The following PLA1A variants were observed in gnomAD, a reference collection of about 807,000 sequenced individuals.
The protein encoded by PLA1A is phosphatidylserine-specific phospholipase A1alpha.
A neutral mutation model predicts 49.4 loss-of-function variants in PLA1A; 47 were observed. That is an observed-to-expected ratio of 0.95 (90% confidence interval 0.75 to 1.21). The LOEUF (loss-of-function observed/expected upper bound fraction) is 1.21, where lower values mean the gene tolerates loss of function less well. PLA1A is among the 50% of genes most tolerant of loss of function. The probability of loss-of-function intolerance (pLI) is 0.00; values close to 1 mark genes in which losing one functional copy is unlikely to be tolerated. For missense variants in PLA1A, 561 were observed against 563.9 expected (o/e 0.99, Z 0.05); for synonymous variants, 224 against 207.9 (o/e 1.08, Z -0.67).
intron 1 of PLA1A, among the ~76,000 whole-genome samples, chr3:119,601,174 A>G (rs1560075402): frequency 6.6e-6 from 1 of 152,172 alleles, no homozygotes; most frequent in African/African-American, 2.4e-5. Flanking sequence ...CAGAATCAAA[A>G]CTGTTTTAGC....
chr3:119,620,129 G>A (rs544702704), intron 8 of PLA1A: 1 of 456,916 alleles, frequency 2.2e-6, no homozygotes, highest in African/African-American at 2.0e-5. Context: ...CTTGAAGCTA[G>A]GATGCTGGTG....
intron 8 of PLA1A, among the ~76,000 whole-genome samples, chr3:119,624,491 T>C (rs968361364): frequency 5.9e-5 from 9 of 152,136 alleles, no homozygotes; most frequent in Admixed American, 5.9e-4. Flanking sequence ...CATCCCACCA[T>C]GAATATGTCA....
rs749934275 is a variant in PLA1A, at chr3:119,597,954, G to C, written c.41G>C (p.Gly14Ala). ...GPWESCFWVG[G>A]LILWLSVGSS... ...TGGGAGAGCTGCTTCTGGGTGGGGG[G>C]CCTCATTTTGTGGCTCAGCGTTGGA... The change falls in exon 1 of 11, where the codon GGC becomes GCC. Residue 14 changes from glycine to alanine, a missense_variant. By Grantham distance (60) the Gly-to-Ala change is moderately conservative. Transcript: ENST00000273371. 2 of 1,610,378 alleles carry C rather than the reference G, an allele frequency of 1.2e-6. No homozygotes were observed. Among genetic ancestry groups the C allele is most frequent in the Non-Finnish European group, 8.5e-7 (1 of 1,178,338 alleles).
intron 4 of PLA1A, among the ~76,000 whole-genome samples, chr3:119,610,389 A>G (rs1337267683): frequency 6.6e-6 from 1 of 152,156 alleles, no homozygotes; most frequent in African/African-American, 2.4e-5. Flanking sequence ...TAGTTCTTTG[A>G]GGAATCTTCA....
chr3:119,621,557 T>C (rs928393719), intron 8 of PLA1A, among the ~76,000 whole-genome samples: 2 of 152,386 alleles, frequency 1.3e-5, no homozygotes, highest in Admixed American at 1.3e-4. Flanking sequence ...GTGCCAGGCA[T>C]GCGCCAGCAT....
intron 1 of PLA1A, chr3:119,600,551 A>G: frequency 1.6e-6 from 1 of 615,566 alleles, no homozygotes; most frequent in East Asian, 2.7e-5. Flanking sequence ...CGTCTTCTTC[A>G]TCCTTGAATC....
chr3:119,618,104 T>C lies in PLA1A; in HGVS notation c.840T>C (p.Phe280=), dbSNP rs2082877616. ...ALENSCPLMA[F]PCASYKAFLA... ...AGAATTCCTGTCCACTGATGGCCTT[T>C]CCCTGTGCCAGCTACAAGGCCTTCC... Residue 280 remains phenylalanine (F), a synonymous_variant, in exon 7 of 11, where the codon TTT becomes TTC. Coordinates refer to ENST00000273371, the MANE Select transcript of PLA1A (RefSeq NM_015900.4). 6.2e-7 allele frequency: 1 copy of C among 1,614,004 alleles called. No individual in the cohort carries two copies. The highest frequency in any genetic ancestry group is 1.3e-5 in the African/African-American group (1 of 75,046).
At chr3:119,606,657 A>G in intron 1 of PLA1A, 117 bp from the exon 2 acceptor site, 1 of 676,532 alleles carries the variant, frequency 1.5e-6, no homozygotes, top group Non-Finnish European at 2.5e-6. Context: ...CTGATGTATA[A>G]TAAACCCCAT....
chr3:119,629,076 T>C (rs1205231059), intron 10 of PLA1A, among the ~76,000 whole-genome samples: 4 of 152,232 alleles, frequency 2.6e-5, no homozygotes, highest in Non-Finnish European at 5.9e-5. Flanking sequence ...ATATTTGGTT[T>C]CTATGTAAGA....
At chr3:119,617,595 T>C (rs566558164) in intron 6 of PLA1A, among the ~76,000 whole-genome samples, 1 of 151,568 alleles carries the variant, frequency 6.6e-6, no homozygotes, top group East Asian at 1.9e-4. Context: ...ATACAAAAAT[T>C]TGTGAGGCAT....
intron 7 of PLA1A, 149 bp downstream of exon 7, chr3:119,618,335 C>T: frequency 1.4e-6 from 1 of 732,016 alleles, no homozygotes; most frequent in Non-Finnish European, 2.3e-6. Context: ...TCAGCCTGTT[C>T]TTACTTGGAG....
At chr3:119,602,164 C>T (rs1168450621) in intron 1 of PLA1A, among the ~76,000 whole-genome samples, 1 of 152,036 alleles carries the variant, frequency 6.6e-6, no homozygotes, top group Non-Finnish European at 1.5e-5. Flanking sequence ...TTTGGTACTT[C>T]GGATATTCTC....
rs2052599213 is a variant in PLA1A, at chr3:119,629,673, T to C, written c.*205T>C. On this transcript the variant is annotated 3_prime_UTR_variant, in exon 11 of 11. Coordinates refer to ENST00000273371, the MANE Select transcript of PLA1A (RefSeq NM_015900.4). ...AACTTGGTTTCCTTTGCCGATCTTA[T>C]GTACATACCCATTTTAGCTTTCCCA... 1.8e-6 allele frequency: 1 copy of C among 557,500 alleles called. No individual in the cohort carries two copies. Among genetic ancestry groups the C allele is most frequent in the African/African-American group, 1.9e-5 (1 of 53,464 alleles). 34.5% of individuals were successfully genotyped at this position (557,500 alleles called of 1,614,324 possible).
Position 119,623,684 on chromosome 3 carries a change from C to T in PLA1A, c.1013-1440C>T, listed in dbSNP as rs72957021. 9.0e-3 allele frequency among the ~76,000 whole-genome samples: 1,355 copies of T among 150,346 alleles called. 19 individuals are homozygous for T. Among genetic ancestry groups the T allele is most frequent in the African/African-American group, 0.032 (1,293 of 40,774 alleles). Reference sequence around the variant, plus strand: ...TGGGTGTGTGGAGAGGGAGCAGGGCCGTTGCTGTATTTAATGAGTTAATTC... The same window carrying T: ...TGGGTGTGTGGAGAGGGAGCAGGGCTGTTGCTGTATTTAATGAGTTAATTC... On this transcript the variant is annotated intron_variant, in intron 8 of 10. Transcript: ENST00000273371.
At chr3:119,624,836 G>A (rs180676402) in intron 8 of PLA1A, among the ~76,000 whole-genome samples, 1 of 152,144 alleles carries the variant, frequency 6.6e-6, no homozygotes, top group African/African-American at 2.4e-5. Context: ...TCACCATGTT[G>A]GTCAGACTGG....
chr3:119,603,703 G>A (rs2082647433), intron 1 of PLA1A, among the ~76,000 whole-genome samples: 1 of 152,192 alleles, frequency 6.6e-6, no homozygotes, highest in African/African-American at 2.4e-5. Flanking sequence ...AGTGATTTAT[G>A]GTTTGGGCTG....
intron 1 of PLA1A, among the ~76,000 whole-genome samples, chr3:119,603,950 C>G (rs1402816714): frequency 6.6e-6 from 1 of 152,234 alleles, no homozygotes; most frequent in African/African-American, 2.4e-5. Flanking sequence ...TGTAGGAACT[C>G]AACCACTAGA....
At chr3:119,626,035 A>T (rs1333555087) in intron 9 of PLA1A, among the ~76,000 whole-genome samples, 3 of 152,224 alleles carry the variant, frequency 2.0e-5, no homozygotes, top group Non-Finnish European at 4.4e-5. Context: ...AATTTAGCAC[A>T]GTGAACTCAT....
chr3:119,608,242 GAGAAAGAAAGAAAGAAAGAAAGAAAGAA>G (rs560277882), intron 2 of PLA1A, among the ~76,000 whole-genome samples: 1 of 123,730 alleles, frequency 8.1e-6, no homozygotes, highest in Non-Finnish European at 1.7e-5. Flanking sequence ...GAAAGAAAGA[GAGAAAGAAAGAAAGAAAGAAAGAAAGAA>G]AGAAAGAAAG....
Sources: gnomAD v4.1 joint callset for allele counts (sites outside exome capture counted in the v4.1 genomes callset) on GRCh38, gnomAD v4.1.1 for gene constraint, MANE v1.5 for transcripts, NCBI Gene and HGNC (gene_info 2026-07-23, HGNC 2026-07-21) for gene names.